Variants in ZNF620 observed in about 807,000 individuals in gnomAD.
ZNF620 encodes the protein zinc finger protein 620.
In ZNF620, 10 loss-of-function variants were observed where a neutral mutation model predicts 13.3. That is an observed-to-expected ratio of 0.75 (90% confidence interval 0.46 to 1.28). The LOEUF (loss-of-function observed/expected upper bound fraction) is 1.28, where lower values mean the gene tolerates loss of function less well. Among genes scored for constraint, ZNF620 ranks in the 50% most tolerant of loss-of-function variants. ZNF620 has a pLI of 0.00. For missense variants in ZNF620, 461 were observed against 500.2 expected, an observed-to-expected ratio of 0.92 and a Z score of 0.75; for synonymous variants, 166 against 177.6, an observed-to-expected ratio of 0.93 and a Z score of 0.52.
At chr3:40,512,314 G>T in intron 3 of ZNF620, 88 bp from the exon 4 acceptor site, 1 of 1,094,396 alleles carries the variant, frequency 9.1e-7, no homozygotes. Context: ...CTCACTACCT[G>T]GCTCAGCAGA....
chr3:40,513,168 T>C (rs970821376), intron 4 of ZNF620, among the ~76,000 whole-genome samples: 1 of 151,486 alleles, frequency 6.6e-6, no homozygotes, highest in African/African-American at 2.4e-5. Flanking sequence ...GCTATTGATA[T>C]AAGAATTAAA....
In ZNF620 at chr3:40,515,858, AG is replaced by A. The variant is rs1221515293; in HGVS notation, c.268del. On this transcript the variant is annotated splice_acceptor_variant, in intron 4 of 4. Coordinates refer to ENST00000314529, the MANE Select transcript of ZNF620 (RefSeq NM_175888.4). LOFTEE classifies it high-confidence loss of function. ...GACATTTGTATTTTCTTTTTGTGAT[AG>A]GGGATGAGGCCAGAACTGAGAAGGA... 1.0e-5 allele frequency: 16 copies of A among 1,593,148 alleles called. No individual in the cohort carries two copies. Among genetic ancestry groups the A allele is most frequent in the Non-Finnish European group, 1.4e-5 (16 of 1,169,978 alleles).
At position 40,506,452 on chromosome 3, in the gene ZNF620, C is replaced by A. The variant is rs1698022103; in HGVS notation, c.24+76C>A. Reference sequence around the variant, plus strand: ...GCAGGTGTCACCTCTGCATTCAGATCTTGAGTTGTGTAGGCCAGTGGCTTC... The same window carrying A: ...GCAGGTGTCACCTCTGCATTCAGATATTGAGTTGTGTAGGCCAGTGGCTTC... On this transcript the variant is annotated intron_variant, in intron 2 of 4. Transcript: ENST00000314529. 3.8e-6 allele frequency: 5 copies of A among 1,330,610 alleles called. No homozygotes were observed. The African/African-American group carries it at 4.6e-5, about 12-fold the overall frequency. 82.4% of individuals were successfully genotyped at this position (1,330,610 alleles called of 1,614,324 possible).
chr3:40,515,817 T>A, intron 4 of ZNF620, 43 bp from the exon 5 acceptor site: 7 of 1,086,810 alleles, frequency 6.4e-6, no homozygotes, highest in South Asian at 1.9e-5. Context: ...TGTGTGTGTG[T>A]GTGATATCAG....
rs751750517 is a variant in ZNF620 at position 40,512,371 on chromosome 3, T to TA, written c.152-30dup. On this transcript the variant is annotated intron_variant, in intron 3 of 4. Transcript: ENST00000314529. Reference sequence around the variant, plus strand: ...GAGGATCCTGGTTCCTGATTCCCCTTACCTTTTCCTGTTTCTTTCTCCCTG... The same window carrying TA: ...GAGGATCCTGGTTCCTGATTCCCCTTAACCTTTTCCTGTTTCTTTCTCCCTG... 2.5e-6 allele frequency: 4 copies of TA among 1,596,382 alleles called. No individual in the cohort carries two copies. The African/African-American group carries it at 5.4e-5, about 21-fold the overall frequency.
intron 4 of ZNF620, among the ~76,000 whole-genome samples, chr3:40,515,610 G>A (rs1398348141): frequency 2.0e-5 from 3 of 152,078 alleles, no homozygotes; most frequent in Non-Finnish European, 4.4e-5. Context: ...ACTGTTTATG[G>A]GAATGCCTCC....
At chr3:40,514,451 C>T (rs1301516991) in intron 4 of ZNF620, among the ~76,000 whole-genome samples, 1 of 152,126 alleles carries the variant, frequency 6.6e-6, no homozygotes, top group Non-Finnish European at 1.5e-5. Context: ...GTAGTGGTTC[C>T]CTGGGCCCAG....
At chr3:40,512,349 G>A (rs1032500099) in intron 3 of ZNF620, 53 bp from the exon 4 acceptor site, 4 of 1,492,764 alleles carry the variant, frequency 2.7e-6, no homozygotes, top group Non-Finnish European at 9.3e-7. Flanking sequence ...GCTGCAAGAG[G>A]ATCCTGGTTC....
At position 40,516,970 on chromosome 3, in the gene ZNF620, A is replaced by G. The variant is rs970732329; in HGVS notation, c.*107A>G. On this transcript the variant is annotated 3_prime_UTR_variant, in exon 5 of 5. Transcript: ENST00000314529. The stretch of plus-strand genomic sequence containing the variant: ...CCTGGTTAGACACTTGGCTTTCATC[A>G]TGAACTCTTCTTTAAGTTTTTTGAA... 9.3e-6 allele frequency: 12 copies of G among 1,296,742 alleles called. No homozygotes were observed. The highest frequency in any genetic ancestry group is 5.9e-5 in the African/African-American group (4 of 67,646). The allele number at this position is 1,296,742 out of a possible 1,614,324, so 80.3% of individuals were successfully genotyped here.
Position 40,506,320 on chromosome 3 carries a change from C to T in ZNF620, c.-33C>T, listed in dbSNP as rs539227043. ...TCTCTTCAGTTTCACTTCTCCGAAC[C>T]CTGAGGCAGTGTGTGAAGCTGGGAC... On this transcript the variant is annotated 5_prime_UTR_variant, in exon 2 of 5. Coordinates refer to ENST00000314529, the MANE Select transcript of ZNF620 (RefSeq NM_175888.4). 1 of 1,613,986 alleles carries T rather than the reference C, an allele frequency of 6.2e-7. No individual in the cohort carries two copies. Among genetic ancestry groups the T allele is most frequent in the Non-Finnish European group, 8.5e-7 (1 of 1,179,990 alleles).
chr3:40,513,315 AAATATATATAT>A (rs1435473736), intron 4 of ZNF620, among the ~76,000 whole-genome samples: 35 of 79,686 alleles, frequency 4.4e-4, no homozygotes, highest in African/African-American at 8.5e-4. Flanking sequence ...AAAAAAAAAA[AAATATATATAT>A]ATATATATAT....
intron 4 of ZNF620, among the ~76,000 whole-genome samples, chr3:40,513,898 G>A (rs953965346): frequency 6.6e-6 from 1 of 152,204 alleles, no homozygotes; most frequent in Non-Finnish European, 1.5e-5. Context: ...TGAGCACTCT[G>A]TCAAGCCGGG....
intron 2 of ZNF620, among the ~76,000 whole-genome samples, chr3:40,507,694 A>G (rs1029046712): frequency 2.0e-5 from 3 of 152,234 alleles, no homozygotes; most frequent in African/African-American, 7.2e-5. Flanking sequence ...AGAATTCAAC[A>G]GTGAAGCTAT....
intron 2 of ZNF620, among the ~76,000 whole-genome samples, chr3:40,508,435 A>C (rs181261022): frequency 2.6e-4 from 39 of 152,256 alleles, no homozygotes; most frequent in African/African-American, 9.4e-4. Flanking sequence ...CTCTTATGGA[A>C]GTGTGTTACT....
rs778841916 is a variant in ZNF620, at chr3:40,516,690, T to C, written c.1096T>C (p.Cys366Arg). The C allele has an allele frequency of 1.2e-6, 2 of 1,614,178 alleles. No individual in the cohort carries two copies. Among genetic ancestry groups the C allele is most frequent in the Non-Finnish European group, 8.5e-7 (1 of 1,180,014 alleles). Residue 366 changes from cysteine (C) to arginine (R), a missense_variant, in exon 5 of 5, where the codon TGT (cysteine) becomes CGT (arginine). Transcript: ENST00000314529. ...TCACACTGGGGAGAAGCCCTTTGAA[T>C]GTAAGGAGTGTGGGAAGGCATTCAA... ...RIHTGEKPFECKECGKAFNQK... is the reference protein window; with the variant it reads ...RIHTGEKPFERKECGKAFNQK...
At position 40,516,541 on chromosome 3, in the gene ZNF620, CTT is replaced by C. The variant is rs1160749481; in HGVS notation, c.949_950del (p.Phe317GlnfsTer20). On this transcript the variant is annotated frameshift_variant, in exon 5 of 5. Coordinates refer to ENST00000314529, the MANE Select transcript of ZNF620 (RefSeq NM_175888.4). LOFTEE classifies it low-confidence loss of function (END_TRUNC). ...TATGAATGTAACGAATGTTGGAAAA[CTT>C]TCAGTTGCAGCTCAAGTTTCACTGT... The C allele has an allele frequency of 2.5e-6, 4 of 1,614,176 alleles. No homozygotes were observed. Among genetic ancestry groups the C allele is most frequent in the South Asian group, 1.1e-5 (1 of 91,086 alleles).
intron 4 of ZNF620, among the ~76,000 whole-genome samples, chr3:40,513,104 T>G (rs1698248786): frequency 6.6e-6 from 1 of 151,848 alleles, no homozygotes; most frequent in Non-Finnish European, 1.5e-5. Flanking sequence ...TTAAAAAAAT[T>G]TCTGAAGCAA....
At chr3:40,512,168 G>A (rs1698221771) in intron 3 of ZNF620, among the ~76,000 whole-genome samples, 1 of 152,216 alleles carries the variant, frequency 6.6e-6, no homozygotes, top group Admixed American at 6.5e-5. Context: ...AGCCCCTTGT[G>A]TCTTCCAAGT....
chr3:40,512,320 G>C, intron 3 of ZNF620, 82 bp from the exon 4 acceptor site: 1 of 1,155,992 alleles, frequency 8.7e-7, no homozygotes, highest in Non-Finnish European at 1.3e-6. Flanking sequence ...ACCTGGCTCA[G>C]CAGATAAAGA....
Sources: allele counts gnomAD v4.1 joint callset (sites outside exome capture counted in the v4.1 genomes callset), GRCh38; gene constraint gnomAD v4.1.1; transcripts MANE v1.5; gene names NCBI Gene and HGNC (gene_info 2026-07-23, HGNC 2026-07-21).